The following FOXP1 variants were observed in gnomAD, a reference collection of about 807,000 sequenced individuals.
FOXP1 encodes forkhead box protein P1.
A neutral mutation model predicts 98.2 loss-of-function variants in FOXP1; 15 were observed. The ratio of observed to expected loss-of-function variants is 0.15; its 90% CI spans 0.10 to 0.24. FOXP1 has a LOEUF of 0.24. FOXP1 is among the 10% of genes least tolerant of loss of function. The pLI, the probability that FOXP1 is intolerant of heterozygous loss-of-function variation, is 1.00. For missense variants in FOXP1, 633 were observed against 848.5 expected (o/e 0.75, Z 3.15); for synonymous variants, 371 against 314.5 (o/e 1.18, Z -1.90).
intron 20 of FOXP1, among the ~76,000 whole-genome samples, chr3:70,964,655 T>C (rs188044887): frequency 6.6e-6 from 1 of 152,312 alleles, no homozygotes; most frequent in African/African-American, 2.4e-5. Context: ...TTGGAAAGGA[T>C]GAAATATAGC....
At chr3:71,443,316 G>A (rs746131230) in intron 3 of FOXP1, among the ~76,000 whole-genome samples, 3 of 152,136 alleles carry the variant, frequency 2.0e-5, no homozygotes, top group East Asian at 1.9e-4. Context: ...CCATCACCTC[G>A]AACATTCATC....
chr3:71,349,601 T>C (rs567861514), intron 4 of FOXP1, among the ~76,000 whole-genome samples: 20 of 151,964 alleles, frequency 1.3e-4, no homozygotes, highest in African/African-American at 4.8e-4. Flanking sequence ...TCACCATCTT[T>C]AATATCTTTA....
At chr3:71,546,700 G>C (rs1308286968) in intron 2 of FOXP1, among the ~76,000 whole-genome samples, 1 of 151,922 alleles carries the variant, frequency 6.6e-6, no homozygotes, top group African/African-American at 2.4e-5. Context: ...ACTAGCACCA[G>C]TGCCACTCCT....
chr3:71,076,313 T>C (rs770067064), intron 7 of FOXP1, among the ~76,000 whole-genome samples: 1 of 152,238 alleles, frequency 6.6e-6, no homozygotes, highest in African/African-American at 2.4e-5. Context: ...AATGGAAATC[T>C]ATTTTCTTTT....
chr3:71,271,665 G>A (rs79193936), intron 5 of FOXP1, among the ~76,000 whole-genome samples: 7,169 of 152,192 alleles, frequency 0.047, 317 homozygotes, highest in African/African-American at 0.11. Context: ...ATTATCTCTG[G>A]GGCTATGTTC....
intron 3 of FOXP1, among the ~76,000 whole-genome samples, chr3:71,412,865 T>C (rs996622467): frequency 1.3e-5 from 2 of 152,160 alleles, no homozygotes; most frequent in Admixed American, 1.3e-4. Context: ...GGGGTGAATA[T>C]GTTTGTCTAA....
intron 5 of FOXP1, among the ~76,000 whole-genome samples, chr3:71,237,914 G>A (rs2066934691): frequency 6.6e-6 from 1 of 152,202 alleles, no homozygotes; most frequent in African/African-American, 2.4e-5. Flanking sequence ...TGTGTCTGGA[G>A]GGGGAAGGGG....
chr3:71,325,486 T>TG (rs2075637595), intron 4 of FOXP1, among the ~76,000 whole-genome samples: 2 of 51,200 alleles, frequency 3.9e-5, no homozygotes, highest in East Asian at 1.1e-3. Flanking sequence ...TTTATGAACC[T>TG]GAAAACCATA....
At chr3:71,133,793 C>T (rs543452738) in intron 6 of FOXP1, among the ~76,000 whole-genome samples, 4 of 151,278 alleles carry the variant, frequency 2.6e-5, no homozygotes, top group African/African-American at 9.7e-5. Context: ...TTGCACCTGA[C>T]ATTTTATACC....
chr3:71,374,031 T>C (rs1425226423), intron 3 of FOXP1, among the ~76,000 whole-genome samples: 1 of 152,154 alleles, frequency 6.6e-6, no homozygotes, highest in Non-Finnish European at 1.5e-5. Context: ...TGTGTGTAAA[T>C]TTAGACCACC....
chr3:71,415,243 T>C (rs1167639014), intron 3 of FOXP1, among the ~76,000 whole-genome samples: 1 of 152,200 alleles, frequency 6.6e-6, no homozygotes, highest in Non-Finnish European at 1.5e-5. Context: ...CCTCCATAGA[T>C]TACCTATTTA....
At chr3:71,146,386 A>G (rs2060306477) in intron 6 of FOXP1, among the ~76,000 whole-genome samples, 1 of 152,320 alleles carries the variant, frequency 6.6e-6, no homozygotes, top group African/African-American at 2.4e-5. Flanking sequence ...TTGGAAAGCC[A>G]GCACTTGGAA....
Position 71,482,720 on chromosome 3 carries a change from A to T in FOXP1, c.-168+10706T>A, listed in dbSNP as rs1409138143. Among the ~76,000 whole-genome samples, 8 of 151,330 alleles carry T rather than the reference A, an allele frequency of 5.3e-5. No individual in the cohort carries two copies. In the East Asian group the frequency reaches 5.9e-4, roughly 11 times the overall value. ...TGGCCTAATAATACATAACTTTAAA[A>T]TTTTTTTTTAAATTTTCTGTCTTGC... is the stretch of plus-strand genomic sequence containing the variant. On this transcript the variant is annotated intron_variant, in intron 3 of 20. Transcript: ENST00000649528.
At chr3:71,490,363 T>A (rs1452385295) in intron 3 of FOXP1, among the ~76,000 whole-genome samples, 2 of 152,092 alleles carry the variant, frequency 1.3e-5, no homozygotes, top group Non-Finnish European at 2.9e-5. Flanking sequence ...CTGGGTGTGG[T>A]GGTGGGCACC....
chr3:71,428,914 G>A (rs565353670), intron 3 of FOXP1, among the ~76,000 whole-genome samples: 1 of 152,294 alleles, frequency 6.6e-6, no homozygotes, highest in East Asian at 1.9e-4. Flanking sequence ...GGGCTTTCCT[G>A]GCCCTGAGGT....
chr3:71,307,935 C>A (rs369129937), intron 4 of FOXP1, among the ~76,000 whole-genome samples: 1 of 152,138 alleles, frequency 6.6e-6, no homozygotes, highest in Non-Finnish European at 1.5e-5. Flanking sequence ...GAAATAAAGA[C>A]GACAATCCAG....
chr3:71,428,736 C>T (rs2084393004), intron 3 of FOXP1, among the ~76,000 whole-genome samples: 1 of 152,192 alleles, frequency 6.6e-6, no homozygotes, highest in Non-Finnish European at 1.5e-5. Context: ...GGAAATTAAA[C>T]ATTTGTGATC....
In FOXP1 at chr3:71,533,551, G is replaced by A. The variant is rs75882115; in HGVS notation, c.-297-39996C>T. Among the ~76,000 whole-genome samples the A allele has an allele frequency of 3.9e-4, 60 of 152,110 alleles. No homozygotes were observed. The East Asian group carries it at 0.011, about 29-fold the overall frequency. ...GTAAGCTCTGGTAGTTATGTTTTGGGGAATCATAAGTTACACCCAGATTTT... is the reference window on the plus strand; with the variant it reads ...GTAAGCTCTGGTAGTTATGTTTTGGAGAATCATAAGTTACACCCAGATTTT... On this transcript the variant is annotated intron_variant, in intron 2 of 20. Transcript: ENST00000649528.
At chr3:71,161,229 G>GT (rs1012779091) in intron 6 of FOXP1, among the ~76,000 whole-genome samples, 5 of 152,272 alleles carry the variant, frequency 3.3e-5, no homozygotes, top group African/African-American at 9.6e-5. Flanking sequence ...ATAACAATTT[G>GT]TTTTTTCTCA....
Sources: allele counts gnomAD v4.1 joint callset (sites outside exome capture counted in the v4.1 genomes callset), GRCh38; gene constraint gnomAD v4.1.1; transcripts MANE v1.5; gene names NCBI Gene and HGNC (gene_info 2026-07-23, HGNC 2026-07-21).